Variants in DNM3 observed in about 807,000 individuals in gnomAD.
DNM3 encodes dynamin-3.
In DNM3, 47 loss-of-function variants were observed where a neutral mutation model predicts 101.6. The observed-to-expected ratio is 0.46, with a 90% CI of 0.37 to 0.59. DNM3 has a LOEUF of 0.59. Among genes scored for constraint, DNM3 ranks in the 20% least tolerant of loss-of-function variants. The probability of loss-of-function intolerance (pLI) is 0.00; values close to 1 mark genes in which losing one functional copy is unlikely to be tolerated. For synonymous variants in DNM3, 385 were observed against 387.9 expected (o/e 0.99, Z 0.09); for missense variants, 849 against 1,085.7 (o/e 0.78, Z 3.06).
chr1:172,185,440 A>G (rs1354470932), intron 14 of DNM3, among the ~76,000 whole-genome samples: 1 of 152,126 alleles, frequency 6.6e-6, no homozygotes, highest in Non-Finnish European at 1.5e-5. Context: ...GTTTTAAAAC[A>G]TTTAGCTCTC....
chr1:172,187,626 G>T (rs1018900738), intron 14 of DNM3, among the ~76,000 whole-genome samples: 2 of 151,986 alleles, frequency 1.3e-5, no homozygotes, highest in African/African-American at 4.8e-5. Context: ...CAGTGCTCAG[G>T]GGTCCTTAAT....
intron 15 of DNM3, among the ~76,000 whole-genome samples, chr1:172,269,480 G>C (rs1291749013): frequency 6.6e-6 from 1 of 152,136 alleles, no homozygotes; most frequent in African/African-American, 2.4e-5. Context: ...TCAATTCTAA[G>C]AGACATGCTT....
chr1:171,935,677 G>T (rs1293600258), intron 2 of DNM3, among the ~76,000 whole-genome samples: 5 of 148,962 alleles, frequency 3.4e-5, no homozygotes, highest in African/African-American at 1.2e-4. Context: ...CTCTTTCCAT[G>T]TCCATATTCA....
At chr1:172,084,086 G>T (rs1388881962) in intron 12 of DNM3, among the ~76,000 whole-genome samples, 1 of 152,124 alleles carries the variant, frequency 6.6e-6, no homozygotes, top group African/African-American at 2.4e-5. Flanking sequence ...AACAATCCAG[G>T]TTGTTTTTCC....
chr1:171,936,270 G>A (rs972143311), intron 2 of DNM3, among the ~76,000 whole-genome samples: 4 of 151,882 alleles, frequency 2.6e-5, no homozygotes, highest in Non-Finnish European at 5.9e-5. Context: ...ACTTGAACCC[G>A]GGAGGCAGAG....
intron 10 of DNM3, among the ~76,000 whole-genome samples, chr1:172,055,816 A>AGTTTTT (rs2050558194): frequency 6.6e-6 from 1 of 152,170 alleles, no homozygotes; most frequent in Non-Finnish European, 1.5e-5. Flanking sequence ...ACTGTATGAA[A>AGTTTTT]ATACTTGCAT....
intron 16 of DNM3, among the ~76,000 whole-genome samples, chr1:172,322,653 T>C (rs554771987): frequency 1.3e-5 from 2 of 152,184 alleles, no homozygotes; most frequent in African/African-American, 4.8e-5. Flanking sequence ...TGTGGACTCA[T>C]GTTTGTTTTG....
intron 20 of DNM3, among the ~76,000 whole-genome samples, chr1:172,405,252 A>C (rs1258591404): frequency 6.6e-6 from 1 of 152,116 alleles, no homozygotes; most frequent in East Asian, 1.9e-4. Flanking sequence ...CAAATGCTGA[A>C]TACACATAAT....
intron 14 of DNM3, among the ~76,000 whole-genome samples, chr1:172,146,730 G>A (rs2057918693): frequency 6.6e-6 from 1 of 152,184 alleles, no homozygotes; most frequent in Admixed American, 6.6e-5. Flanking sequence ...TAGTCAGCCA[G>A]TATTCCAGGT....
intron 2 of DNM3, among the ~76,000 whole-genome samples, chr1:171,937,075 G>C (rs1276892948): frequency 6.6e-6 from 1 of 152,180 alleles, no homozygotes; most frequent in Non-Finnish European, 1.5e-5. Flanking sequence ...ACTTTGTCTT[G>C]ATTTCTGTAC....
intron 1 of DNM3, among the ~76,000 whole-genome samples, chr1:171,848,786 C>T (rs2032543976): frequency 6.6e-6 from 1 of 152,132 alleles, no homozygotes; most frequent in African/African-American, 2.4e-5. Context: ...TTTCAACAAG[C>T]ATTAATATTG....
chr1:171,892,063 G>A (rs1055192873), intron 1 of DNM3, among the ~76,000 whole-genome samples: 198 of 152,152 alleles, frequency 1.3e-3, no homozygotes, highest in African/African-American at 4.4e-3. Flanking sequence ...TTATACTTTA[G>A]GTTATAATCC....
intron 20 of DNM3, chr1:172,393,870 A>G (rs2069741494): frequency 6.6e-6 from 1 of 152,608 alleles, no homozygotes; most frequent in African/African-American, 2.4e-5. Flanking sequence ...TTGATTCTTA[A>G]TATTTAAGGT....
intron 1 of DNM3, among the ~76,000 whole-genome samples, chr1:171,914,221 G>T (rs1223342390): frequency 6.6e-6 from 1 of 151,808 alleles, no homozygotes; most frequent in Non-Finnish European, 1.5e-5. Flanking sequence ...GCAATGATGC[G>T]ATCGCGGCTC....
intron 15 of DNM3, among the ~76,000 whole-genome samples, chr1:172,300,586 G>T (rs1245060729): frequency 6.6e-6 from 1 of 152,120 alleles, no homozygotes; most frequent in South Asian, 2.1e-4. Flanking sequence ...TCAATAGATG[G>T]TACTGGGATA....
At chr1:172,168,925 T>C (rs2058849034) in intron 14 of DNM3, among the ~76,000 whole-genome samples, 4 of 151,970 alleles carry the variant, frequency 2.6e-5, no homozygotes, top group Admixed American at 6.6e-5. Context: ...GTTTCTACTA[T>C]GTTGTAAGAG....
At chr1:172,278,779 C>T (rs1003515902) in intron 15 of DNM3, among the ~76,000 whole-genome samples, 5 of 152,090 alleles carry the variant, frequency 3.3e-5, no homozygotes, top group Admixed American at 2.6e-4. Context: ...GTGGCATTTC[C>T]ATAACAAACC....
intron 12 of DNM3, among the ~76,000 whole-genome samples, chr1:172,082,409 A>T (rs1558540250): frequency 6.6e-6 from 1 of 151,978 alleles, no homozygotes; most frequent in Middle Eastern, 3.2e-3. Flanking sequence ...GTGTATACAA[A>T]TATTGCCATT....
At chr1:171,927,846 A>G (rs1334374015) in intron 2 of DNM3, among the ~76,000 whole-genome samples, 2 of 152,198 alleles carry the variant, frequency 1.3e-5, no homozygotes, top group African/African-American at 4.8e-5. Flanking sequence ...TGTCATTTCA[A>G]CCAGCCTAGC....
Sources: gnomAD v4.1 joint callset for allele counts (sites outside exome capture counted in the v4.1 genomes callset) on GRCh38, gnomAD v4.1.1 for gene constraint, MANE v1.5 for transcripts, NCBI Gene and HGNC (gene_info 2026-07-23, HGNC 2026-07-21) for gene names.